TRA2B: variants seen among roughly 807,000 people sequenced by gnomAD.
TRA2B encodes transformer 2 beta homolog.
A neutral mutation model predicts 41.7 loss-of-function variants in TRA2B; 14 were observed. The observed-to-expected ratio is 0.34, with a 90% CI of 0.22 to 0.53. The LOEUF is 0.53. TRA2B is among the 20% of genes least tolerant of loss of function. TRA2B has a pLI of 0.95. For synonymous variants in TRA2B, 130 were observed against 128.8 expected (o/e 1.01, Z -0.06); for missense variants, 167 against 396.8 (o/e 0.42, Z 4.92).
chr3:185,921,117 T>C lies in TRA2B; in HGVS notation c.709A>G (p.Ser237Gly). ...DRGYDDRDYYSRSYRGGGGGG... is the reference protein window; with the variant it reads ...DRGYDDRDYYGRSYRGGGGGG... ...CTCATAACTTACCTGTATGATCTGC[T>C]ATAGTAGTCCCGATCATCATAGCCC... Residue 237 changes from serine (S) to glycine (G), a missense_variant, in exon 6 of 9, where the codon AGC (serine) becomes GGC (glycine). Physicochemically the swap from Ser to Gly is moderately conservative, Grantham distance 56. Coordinates refer to ENST00000453386, the MANE Select transcript of TRA2B (RefSeq NM_004593.3). 1 of 1,614,032 alleles carries C rather than the reference T, an allele frequency of 6.2e-7. No homozygotes were observed. Among genetic ancestry groups the C allele is most frequent in the Non-Finnish European group, 8.5e-7 (1 of 1,179,936 alleles).
intron 1 of TRA2B, chr3:185,936,927 T>C (rs2150120768): frequency 1.0e-6 from 1 of 985,312 alleles, no homozygotes; most frequent in Middle Eastern, 5.2e-4. Flanking sequence ...GGTGGAAACT[T>C]AAGGGAAAGA....
chr3:185,935,020 C>T (rs532958638), intron 1 of TRA2B: 8 of 985,318 alleles, frequency 8.1e-6, no homozygotes, highest in Non-Finnish European at 9.6e-6. Flanking sequence ...AGGCTCAGAA[C>T]ATTACACTGC....
At chr3:185,935,358 A>C (rs1041676504) in intron 1 of TRA2B, 1 of 985,474 alleles carries the variant, frequency 1.0e-6, no homozygotes, top group Non-Finnish European at 1.2e-6. Context: ...GGGAAAAAAT[A>C]AATCCCACAG....
chr3:185,936,438 T>C, intron 1 of TRA2B: 2 of 985,402 alleles, frequency 2.0e-6, no homozygotes, highest in Non-Finnish European at 2.4e-6. Flanking sequence ...TCTATGCTCA[T>C]CCGAGTATGT....
chr3:185,917,856 A>G (rs1417068016), intron 8 of TRA2B, 131 bp from the exon 9 acceptor site: 4 of 803,348 alleles, frequency 5.0e-6, no homozygotes, highest in Non-Finnish European at 8.2e-6. Context: ...ACCCCCAAAT[A>G]GAGAAAGACT....
intron 1 of TRA2B, among the ~76,000 whole-genome samples, chr3:185,929,497 G>C (rs1299666830): frequency 6.6e-6 from 1 of 152,052 alleles, no homozygotes; most frequent in African/African-American, 2.4e-5. Context: ...AAATTAGCAT[G>C]AATAAAACCA....
rs1198113741 is a variant in TRA2B, at chr3:185,915,789, G to A, written c.*1926C>T. On this transcript the variant is annotated 3_prime_UTR_variant, in exon 9 of 9. Coordinates refer to ENST00000453386, the MANE Select transcript of TRA2B (RefSeq NM_004593.3). ...CCGAGGGTTATGTTCGAGATTATCA[G>A]GAGTGTGAACTCGCAAGCCATCAGT... 6.6e-6 allele frequency: 1 copy of A among 152,148 alleles called. No homozygotes were observed. The highest frequency in any genetic ancestry group is 1.9e-4 in the East Asian group (1 of 5,190). The allele number at this position is 152,148 out of a possible 1,614,324, so 9.4% of individuals were successfully genotyped here.
intron 1 of TRA2B, chr3:185,935,779 C>T (rs1380914957): frequency 2.0e-6 from 2 of 985,390 alleles, no homozygotes; most frequent in Non-Finnish European, 2.4e-6. Context: ...AGGTGTATTC[C>T]AACCCTTAAA....
In TRA2B at chr3:185,914,993, T is replaced by C. The variant is rs995247130; in HGVS notation, c.*2722A>G. Among the ~76,000 whole-genome samples the C allele has an allele frequency of 8.5e-5, 13 of 152,200 alleles. No homozygotes were observed. The highest frequency in any genetic ancestry group is 5.8e-4 in the East Asian group (3 of 5,194). On this transcript the variant is annotated 3_prime_UTR_variant, in exon 9 of 9. Coordinates refer to ENST00000453386, the MANE Select transcript of TRA2B (RefSeq NM_004593.3). The stretch of plus-strand genomic sequence containing the variant: ...TTATGTAGGGGCAACAATGTAAACA[T>C]TGCAGACCTTGAGCATTCTCTAACA...
intron 4 of TRA2B, 129 bp downstream of exon 4, chr3:185,923,667 C>A: frequency 1.2e-6 from 1 of 853,530 alleles, no homozygotes; most frequent in Non-Finnish European, 1.7e-6. Context: ...CTTGAGTCTC[C>A]ACAAGAGGTT....
intron 1 of TRA2B, among the ~76,000 whole-genome samples, chr3:185,929,297 CCAAAT>C (rs1317631390): frequency 1.3e-5 from 2 of 152,052 alleles, no homozygotes; most frequent in African/African-American, 4.8e-5. Context: ...AAATTAGCAC[CCAAAT>C]CAAAAGCATA....
chr3:185,917,581 G>A lies in TRA2B; in HGVS notation c.*134C>T, dbSNP rs1743547492. On this transcript the variant is annotated 3_prime_UTR_variant, in exon 9 of 9. Coordinates refer to ENST00000453386, the MANE Select transcript of TRA2B (RefSeq NM_004593.3). Reference sequence around the variant, plus strand: ...AAACAGCATTTCAACTCCACCAAAAGTAGTCATCGTAAAAGGTGTAAAAGT... The same window carrying A: ...AAACAGCATTTCAACTCCACCAAAAATAGTCATCGTAAAAGGTGTAAAAGT... The A allele has an allele frequency of 3.8e-6, 3 of 788,764 alleles. No homozygotes were observed. Among genetic ancestry groups the A allele is most frequent in the South Asian group, 3.9e-5 (2 of 51,630 alleles). The allele number at this position is 788,764 out of a possible 1,614,324, so 48.9% of individuals were successfully genotyped here.
At chr3:185,924,057 A>G in intron 3 of TRA2B, 73 bp from the exon 4 acceptor site, 1 of 1,345,748 alleles carries the variant, frequency 7.4e-7, no homozygotes, top group Non-Finnish European at 1.0e-6. Context: ...AGGGAGCTGT[A>G]TACTAGCCAA....
At chr3:185,920,394 G>T (rs1743673025) in intron 6 of TRA2B, among the ~76,000 whole-genome samples, 1 of 152,142 alleles carries the variant, frequency 6.6e-6, no homozygotes, top group African/African-American at 2.4e-5. Context: ...TCTGGGGGAG[G>T]AGACTCAGGT....
chr3:185,919,333 G>C, intron 7 of TRA2B, 104 bp downstream of exon 7: 2 of 835,464 alleles, frequency 2.4e-6, no homozygotes, highest in Non-Finnish European at 3.7e-6. Context: ...CAAACAGTCT[G>C]ATTTTGGGTA....
intron 1 of TRA2B, chr3:185,936,197 A>G: frequency 3.0e-6 from 3 of 985,412 alleles, no homozygotes; most frequent in Non-Finnish European, 3.6e-6. Flanking sequence ...CCAATAATTG[A>G]ATTTTTCTGT....
At chr3:185,918,982 A>G (rs1173152830) in intron 7 of TRA2B, among the ~76,000 whole-genome samples, 1 of 152,202 alleles carries the variant, frequency 6.6e-6, no homozygotes, top group African/African-American at 2.4e-5. Context: ...TCCAAAAATT[A>G]AAAATAAAAA....
chr3:185,927,920 C>A (rs745548311), intron 1 of TRA2B: 1 of 152,160 alleles, frequency 6.6e-6, no homozygotes, highest in Admixed American at 6.5e-5. Context: ...CAAAGTAAAG[C>A]CTGGTAAGCC....
At position 185,916,748 on chromosome 3, in the gene TRA2B, T is replaced by C. The variant is rs907334083; in HGVS notation, c.*967A>G. The C allele has an allele frequency of 6.6e-6, 1 of 152,642 alleles. No individual in the cohort carries two copies. The highest frequency in any genetic ancestry group is 2.4e-5 in the African/African-American group (1 of 41,450). The allele number at this position is 152,642 out of a possible 1,614,324, so 9.5% of individuals were successfully genotyped here. A position where few individuals can be genotyped will look rare whatever the true frequency, so the allele number is the denominator to read the frequency against. On this transcript the variant is annotated 3_prime_UTR_variant, in exon 9 of 9. Coordinates refer to ENST00000453386, the MANE Select transcript of TRA2B (RefSeq NM_004593.3). ...TTGTGAACAGCTGCACCAACATTTT[T>C]CTTTTCATTTGCGTTTATTTAAACA...
Sources: gnomAD v4.1 joint callset for allele counts (sites outside exome capture counted in the v4.1 genomes callset) on GRCh38, gnomAD v4.1.1 for gene constraint, MANE v1.5 for transcripts, NCBI Gene and HGNC (gene_info 2026-07-23, HGNC 2026-07-21) for gene names.